KHDRBS3: variants seen among roughly 807,000 people sequenced by gnomAD.
KHDRBS3 encodes KH domain-containing, RNA-binding, signal transduction-associated protein 3.
Under a neutral mutation model 45.6 loss-of-function variants are expected in KHDRBS3, and 23 were observed. The ratio of observed to expected loss-of-function variants is 0.50; its 90% confidence interval spans 0.36 to 0.72. The LOEUF (loss-of-function observed/expected upper bound fraction) is 0.72. Ranked by LOEUF, KHDRBS3 falls within the 30% of genes least tolerant of loss-of-function variation. KHDRBS3 has a pLI of 0.00. For synonymous variants in KHDRBS3, 162 were observed against 156.5 expected, an observed-to-expected ratio of 1.04 and a Z score of -0.26; for missense variants, 352 against 424.8, an observed-to-expected ratio of 0.83 and a Z score of 1.51.
chr8:135,476,146 C>T (rs1389254689), intron 1 of KHDRBS3, among the ~76,000 whole-genome samples: 1 of 151,424 alleles, frequency 6.6e-6, no homozygotes, highest in Non-Finnish European at 1.5e-5. Context: ...CATCTTCCCA[C>T]TTTTTTGTTT....
At chr8:135,650,535 G>A (rs981117852), downstream of KHDRBS3, among the ~76,000 whole-genome samples, 1 of 152,188 alleles carries the variant, frequency 6.6e-6, no homozygotes, top group Non-Finnish European at 1.5e-5. Flanking sequence ...TAAAAAGGAA[G>A]AAATTTAAGC....
chr8:135,532,118 G>A (rs1825507416), intron 2 of KHDRBS3, among the ~76,000 whole-genome samples: 1 of 152,126 alleles, frequency 6.6e-6, no homozygotes, highest in African/African-American at 2.4e-5. Context: ...CATTTCATGT[G>A]AATGCCATGG....
At chr8:135,520,340 G>A (rs1824844064) in intron 1 of KHDRBS3, among the ~76,000 whole-genome samples, 2 of 152,158 alleles carry the variant, frequency 1.3e-5, no homozygotes, top group South Asian at 4.1e-4. Flanking sequence ...ATTCATGCAA[G>A]CACCTAATTT....
chr8:135,592,965 G>A (rs1051775312), intron 6 of KHDRBS3, among the ~76,000 whole-genome samples: 7 of 152,188 alleles, frequency 4.6e-5, no homozygotes, highest in African/African-American at 1.4e-4. Context: ...TTGGGAGGCC[G>A]GAGTTGGAGG....
intron 5 of KHDRBS3, among the ~76,000 whole-genome samples, chr8:135,561,471 T>C (rs895869979): frequency 6.6e-6 from 1 of 152,074 alleles, no homozygotes. Flanking sequence ...GGCAGTGTGC[T>C]TTCATAATCC....
intron 2 of KHDRBS3, among the ~76,000 whole-genome samples, chr8:135,527,186 T>A (rs970435193): frequency 6.6e-6 from 1 of 152,126 alleles, no homozygotes; most frequent in Non-Finnish European, 1.5e-5. Flanking sequence ...AAAATCGAAG[T>A]GGTTAAGTCA....
intron 5 of KHDRBS3, among the ~76,000 whole-genome samples, chr8:135,565,473 TTTTA>T (rs1469670660): frequency 2.0e-5 from 3 of 152,162 alleles, no homozygotes; most frequent in Non-Finnish European, 4.4e-5. Context: ...ACAGTGTTGC[TTTTA>T]TTTATTTTTT....
rs545556098 is a variant in KHDRBS3, at chr8:135,593,642, T to C, written c.807+11569T>C. ...ACATGTGTGTGCCACTTTGCCCGGC[T>C]AATTTTTTTATTTTTTATAGAGACA... On this transcript the variant is annotated intron_variant, in intron 6 of 8. Transcript: ENST00000355849. 4.6e-5 allele frequency among the ~76,000 whole-genome samples: 7 copies of C among 152,212 alleles called. No individual in the cohort carries two copies. The East Asian group carries it at 1.4e-3, about 30-fold the overall frequency.
intron 2 of KHDRBS3, among the ~76,000 whole-genome samples, chr8:135,531,087 A>G (rs548333711): frequency 5.1e-4 from 77 of 152,254 alleles, no homozygotes; most frequent in African/African-American, 1.3e-3. Context: ...GGAATATCCA[A>G]CCTTAAGCAA....
intron 7 of KHDRBS3, among the ~76,000 whole-genome samples, chr8:135,644,066 A>G (rs1327261060): frequency 1.3e-5 from 2 of 152,194 alleles, no homozygotes; most frequent in Non-Finnish European, 1.5e-5. Flanking sequence ...TGGTTTCCCT[A>G]CAAAATGGAG....
chr8:135,465,884 C>G (rs912863136), intron 1 of KHDRBS3, among the ~76,000 whole-genome samples: 3 of 152,144 alleles, frequency 2.0e-5, no homozygotes, highest in African/African-American at 7.2e-5. Context: ...TGTCTGTTTT[C>G]GATATATATC....
chr8:135,568,063 G>A (rs964621097), intron 5 of KHDRBS3, among the ~76,000 whole-genome samples: 1 of 152,178 alleles, frequency 6.6e-6, no homozygotes, highest in Non-Finnish European at 1.5e-5. Context: ...CCTGTGTAAT[G>A]CGGTTACTGC....
chr8:135,623,707 C>T (rs1338936698), intron 7 of KHDRBS3, among the ~76,000 whole-genome samples: 7 of 151,888 alleles, frequency 4.6e-5, no homozygotes, highest in Non-Finnish European at 1.0e-4. Context: ...TCTAAAAGGC[C>T]GCAAAAGAGA....
intron 1 of KHDRBS3, among the ~76,000 whole-genome samples, chr8:135,478,256 G>A (rs1478369129): frequency 6.6e-6 from 1 of 152,188 alleles, no homozygotes; most frequent in East Asian, 1.9e-4. Context: ...CTCCAGAACT[G>A]TAAGATAATA....
chr8:135,501,205 C>G (rs1431387174), intron 1 of KHDRBS3, among the ~76,000 whole-genome samples: 1 of 152,140 alleles, frequency 6.6e-6, no homozygotes, highest in Non-Finnish European at 1.5e-5. Flanking sequence ...ATAAAACAAA[C>G]AGAAGCAAAA....
intron 6 of KHDRBS3, among the ~76,000 whole-genome samples, chr8:135,602,340 C>T (rs1237194799): frequency 6.6e-6 from 1 of 152,160 alleles, no homozygotes; most frequent in African/African-American, 2.4e-5. Flanking sequence ...AAAATATTCA[C>T]CACCATGGCC....
chr8:135,543,719 A>G (rs1426084229), intron 3 of KHDRBS3, among the ~76,000 whole-genome samples: 1 of 152,226 alleles, frequency 6.6e-6, no homozygotes, highest in Admixed American at 6.5e-5. Flanking sequence ...GGAAACTGAG[A>G]TTCAGAGAAC....
At chr8:135,465,688 C>G (rs1192760160) in intron 1 of KHDRBS3, among the ~76,000 whole-genome samples, 1 of 152,204 alleles carries the variant, frequency 6.6e-6, no homozygotes, top group Non-Finnish European at 1.5e-5. Context: ...CCTCTTTCCA[C>G]AAGCACAAGA....
intron 2 of KHDRBS3, among the ~76,000 whole-genome samples, chr8:135,535,006 G>A (rs1825664650): frequency 6.6e-6 from 1 of 152,068 alleles, no homozygotes; most frequent in African/African-American, 2.4e-5. Flanking sequence ...GCCCCCAACA[G>A]TGCCGAAGTT....
Sources: gnomAD v4.1 joint callset for allele counts (sites outside exome capture counted in the v4.1 genomes callset) on GRCh38, gnomAD v4.1.1 for gene constraint, MANE v1.5 for transcripts, NCBI Gene and HGNC (gene_info 2026-07-23, HGNC 2026-07-21) for gene names.